The following NCAM2 variants were observed in gnomAD, a reference collection of about 807,000 sequenced individuals.
The protein encoded by NCAM2 is neural cell adhesion molecule 2.
In NCAM2, 30 loss-of-function variants were observed where a neutral mutation model predicts 98.1. The ratio of observed to expected loss-of-function variants is 0.31; its 90% CI spans 0.23 to 0.41. The LOEUF is 0.41. Among genes scored for constraint, NCAM2 ranks in the 10% least tolerant of loss-of-function variants. The pLI is 1.00. For synonymous variants in NCAM2, 368 were observed against 342.4 expected (o/e 1.07, Z -0.83); for missense variants, 867 against 1,005.8 (o/e 0.86, Z 1.87).
At chr21:21,077,334 A>G (rs1021117328) in intron 1 of NCAM2, among the ~76,000 whole-genome samples, 1 of 152,214 alleles carries the variant, frequency 6.6e-6, no homozygotes, top group Non-Finnish European at 1.5e-5. Flanking sequence ...GCCTTCTATT[A>G]TAACTTCATT....
At chr21:21,331,091 C>A (rs2147832695) in intron 6 of NCAM2, among the ~76,000 whole-genome samples, 1 of 152,146 alleles carries the variant, frequency 6.6e-6, no homozygotes, top group Admixed American at 6.5e-5. Context: ...GGCATCTACT[C>A]ACCTACCCTC....
intron 12 of NCAM2, among the ~76,000 whole-genome samples, chr21:21,462,190 T>C (rs1983067109): frequency 6.6e-6 from 1 of 152,014 alleles, no homozygotes; most frequent in Non-Finnish European, 1.5e-5. Flanking sequence ...CATAGCTCTC[T>C]GAGTTGTTGC....
chr21:21,266,700 A>C (rs2072292392), intron 1 of NCAM2, among the ~76,000 whole-genome samples: 1 of 151,808 alleles, frequency 6.6e-6, no homozygotes, highest in African/African-American at 2.4e-5. Context: ...CAAGGGGAAC[A>C]TCACACACCG....
At chr21:21,189,124 A>C (rs1438376338) in intron 1 of NCAM2, among the ~76,000 whole-genome samples, 1 of 152,178 alleles carries the variant, frequency 6.6e-6, no homozygotes, top group Non-Finnish European at 1.5e-5. Context: ...TGAGTAGTAA[A>C]GTTCATCAGG....
At chr21:21,176,590 A>C (rs1339204263) in intron 1 of NCAM2, among the ~76,000 whole-genome samples, 1 of 152,130 alleles carries the variant, frequency 6.6e-6, no homozygotes, top group Non-Finnish European at 1.5e-5. Context: ...TTATTGAAAC[A>C]TGAACAAAAT....
In NCAM2 at chr21:21,538,064, T is replaced by G. The variant is rs760089636; in HGVS notation, c.*107T>G. On this transcript the variant is annotated 3_prime_UTR_variant, in exon 18 of 18. Coordinates refer to ENST00000400546, the MANE Select transcript of NCAM2 (RefSeq NM_004540.5). ...CTTAATTTCTTGGGAAACTTCTAGCTTGGAATAGCTTGTACACATATACAT... is the reference window on the plus strand; with the variant it reads ...CTTAATTTCTTGGGAAACTTCTAGCGTGGAATAGCTTGTACACATATACAT... 31 of 553,254 alleles carry G rather than the reference T, an allele frequency of 5.6e-5. No individual in the cohort carries two copies. Among genetic ancestry groups the G allele is most frequent in the Non-Finnish European group, 9.1e-5 (29 of 318,754 alleles). The allele number at this position is 553,254 out of a possible 1,614,324, so 34.3% of individuals were successfully genotyped here.
intron 1 of NCAM2, among the ~76,000 whole-genome samples, chr21:21,264,881 G>T (rs1253268510): frequency 1.4e-5 from 1 of 72,224 alleles, no homozygotes; most frequent in Non-Finnish European, 2.5e-5. Context: ...TTCATAGTGG[G>T]ATATATATAT....
chr21:21,458,595 A>G (rs1204905704), intron 12 of NCAM2, among the ~76,000 whole-genome samples: 1 of 152,220 alleles, frequency 6.6e-6, no homozygotes, highest in African/African-American at 2.4e-5. Flanking sequence ...TGACATATGT[A>G]TAAACCAGGA....
chr21:21,365,210 G>A (rs548801167), intron 8 of NCAM2, among the ~76,000 whole-genome samples: 1 of 147,846 alleles, frequency 6.8e-6, no homozygotes, highest in African/African-American at 2.5e-5. Flanking sequence ...GCTTTCCGTT[G>A]GAGATTTGAG....
chr21:21,344,374 C>T (rs924603170), intron 8 of NCAM2, among the ~76,000 whole-genome samples: 1 of 152,062 alleles, frequency 6.6e-6, no homozygotes, highest in Non-Finnish European at 1.5e-5. Context: ...TCTTGCATGC[C>T]ATTTCTGGAC....
At chr21:21,005,296 G>T (rs966104606) in intron 1 of NCAM2, among the ~76,000 whole-genome samples, 3 of 152,138 alleles carry the variant, frequency 2.0e-5, no homozygotes, top group African/African-American at 7.2e-5. Flanking sequence ...ATGTGTCTAT[G>T]GAAGACTTAA....
chr21:21,374,695 CAATA>C (rs2075992943), intron 9 of NCAM2, among the ~76,000 whole-genome samples: 2 of 151,816 alleles, frequency 1.3e-5, no homozygotes, highest in African/African-American at 4.8e-5. Context: ...ACATCATTCT[CAATA>C]AATATTTATG....
chr21:21,216,965 G>A (rs1462784788), intron 1 of NCAM2, among the ~76,000 whole-genome samples: 3 of 152,066 alleles, frequency 2.0e-5, no homozygotes, highest in Non-Finnish European at 4.4e-5. Context: ...GTTAACTCAG[G>A]GCAAGTGATT....
chr21:21,159,935 C>T (rs531755480), intron 1 of NCAM2, among the ~76,000 whole-genome samples: 25 of 151,910 alleles, frequency 1.6e-4, no homozygotes, highest in Non-Finnish European at 2.5e-4. Context: ...GTGAGAGATA[C>T]GTACTGGGAA....
intron 12 of NCAM2, among the ~76,000 whole-genome samples, chr21:21,450,793 T>TGTATGTACAC (rs751489970): frequency 7.0e-6 from 1 of 143,428 alleles, no homozygotes; most frequent in Non-Finnish European, 1.5e-5. Context: ...TATGTATGTA[T>TGTATGTACAC]ACACACACAC....
rs557140748 is a variant in NCAM2 at position 21,283,488 on chromosome 21, T to C, written c.131-706T>C. Among the ~76,000 whole-genome samples, 3 of 152,012 alleles carry C rather than the reference T, an allele frequency of 2.0e-5. No homozygotes were observed. The South Asian group carries it at 6.2e-4, about 31-fold the overall frequency. ...TAAATAAATGTTTACCCTGTAATGA[T>C]TTGGTTGTAATTACCTAGATAAGTA... On this transcript the variant is annotated intron_variant, in intron 2 of 17. Transcript: ENST00000400546.
At chr21:21,484,379 C>T (rs1433042542) in intron 15 of NCAM2, among the ~76,000 whole-genome samples, 2 of 151,862 alleles carry the variant, frequency 1.3e-5, no homozygotes, top group African/African-American at 2.4e-5. Flanking sequence ...TTGATTTCCT[C>T]GTTTGTAACT....
intron 12 of NCAM2, among the ~76,000 whole-genome samples, chr21:21,440,822 A>T (rs1164654674): frequency 6.6e-6 from 1 of 152,180 alleles, no homozygotes; most frequent in Non-Finnish European, 1.5e-5. Flanking sequence ...GATTTCAGAA[A>T]TTCTATTCAA....
chr21:21,024,723 G>A (rs115022187), intron 1 of NCAM2, among the ~76,000 whole-genome samples: 1,837 of 151,638 alleles, frequency 0.012, 32 homozygotes, highest in African/African-American at 0.042. Flanking sequence ...TAAAAATACA[G>A]AAAAAGAAAA....
Sources: allele counts gnomAD v4.1 joint callset (sites outside exome capture counted in the v4.1 genomes callset), GRCh38; gene constraint gnomAD v4.1.1; transcripts MANE v1.5; gene names NCBI Gene and HGNC (gene_info 2026-07-23, HGNC 2026-07-21).